SLC38A6: variants seen among roughly 807,000 people sequenced by gnomAD.
The protein encoded by SLC38A6 is solute carrier family 38 member 6, also known as N system amino acid transporter NAT-1.
Under a neutral mutation model 65.0 loss-of-function variants are expected in SLC38A6, and 73 were observed. The ratio of observed to expected loss-of-function variants is 1.12; its 90% CI spans 0.93 to 1.37. SLC38A6 has a LOEUF of 1.37. Among genes scored for constraint, SLC38A6 ranks in the 40% most tolerant of loss-of-function variants. The pLI, the probability that SLC38A6 is intolerant of heterozygous loss-of-function variation, is 0.00. For synonymous variants in SLC38A6, 183 were observed against 178.8 expected (o/e 1.02, Z -0.19); for missense variants, 561 against 531.1 (o/e 1.06, Z -0.55).
chr14:61,083,526 C>G, intron 16 of SLC38A6: 1 of 1,544,822 alleles, frequency 6.5e-7, no homozygotes, highest in African/African-American at 1.4e-5. Flanking sequence ...AGCCCTAATT[C>G]AATGTGACTG....
At chr14:61,044,325 T>A (rs983569416) in intron 10 of SLC38A6, among the ~76,000 whole-genome samples, 1 of 152,148 alleles carries the variant, frequency 6.6e-6, no homozygotes, top group African/African-American at 2.4e-5. Flanking sequence ...ATGAGAAATA[T>A]CTCTCTGGTC....
intron 12 of SLC38A6, among the ~76,000 whole-genome samples, chr14:61,048,620 A>T (rs1347982240): frequency 1.3e-5 from 2 of 152,176 alleles, no homozygotes; most frequent in East Asian, 3.9e-4. Context: ...TAATAAATCT[A>T]GTTCTTCAAG....
At chr14:60,983,663 G>C (rs2139668543) in intron 2 of SLC38A6, among the ~76,000 whole-genome samples, 1 of 152,164 alleles carries the variant, frequency 6.6e-6, no homozygotes, top group African/African-American at 2.4e-5. Flanking sequence ...CAAATTTTTT[G>C]ATAAGCAAAG....
intron 2 of SLC38A6, 64 bp from the exon 3 acceptor site, chr14:60,984,666 A>G (rs547161571): frequency 4.4e-6 from 6 of 1,371,514 alleles, no homozygotes; most frequent in South Asian, 2.3e-5. Flanking sequence ...TGTTTTTGTA[A>G]TGAGACACCA....
intron 8 of SLC38A6, among the ~76,000 whole-genome samples, chr14:61,039,524 A>AT (rs5809078): frequency 0.89 from 116,432 of 130,584 alleles, 52,498 homozygotes; most frequent in Non-Finnish European, 0.97. Flanking sequence ...GTGCATGCTA[A>AT]TTTTTTTTTT....
At chr14:61,010,609 A>G (rs2139469852) in intron 3 of SLC38A6, among the ~76,000 whole-genome samples, 1 of 152,332 alleles carries the variant, frequency 6.6e-6, no homozygotes, top group African/African-American at 2.4e-5. Context: ...ATGGCTAGCC[A>G]GTTTTCCCAG....
chr14:61,048,916 A>G (rs1237301396), intron 12 of SLC38A6, among the ~76,000 whole-genome samples: 2 of 152,204 alleles, frequency 1.3e-5, no homozygotes, highest in Non-Finnish European at 2.9e-5. Context: ...ATATTTCTCC[A>G]AAGACTCACA....
chr14:61,015,981 G>T, intron 4 of SLC38A6, 25 bp downstream of exon 4: 1 of 1,579,006 alleles, frequency 6.3e-7, no homozygotes. Flanking sequence ...TCCTCATTGT[G>T]TCCAAAACCC....
intron 15 of SLC38A6, among the ~76,000 whole-genome samples, chr14:61,076,988 C>A (rs1281058224): frequency 1.2e-4 from 18 of 152,186 alleles, no homozygotes; most frequent in Non-Finnish European, 1.5e-4. Context: ...ATAGCTTAGA[C>A]CATCAGTAGT....
chr14:61,026,904 G>T (rs1185410289), intron 5 of SLC38A6, among the ~76,000 whole-genome samples: 1 of 152,102 alleles, frequency 6.6e-6, no homozygotes, highest in Non-Finnish European at 1.5e-5. Flanking sequence ...GATGTTAGCT[G>T]TTTTCATGGA....
At chr14:61,069,407 C>G (rs1370533696) in intron 15 of SLC38A6, among the ~76,000 whole-genome samples, 1 of 152,044 alleles carries the variant, frequency 6.6e-6, no homozygotes, top group East Asian at 1.9e-4. Context: ...ATCCCAGATT[C>G]CCTTGCCTCA....
At chr14:60,992,719 C>T (rs990857491) in intron 3 of SLC38A6, among the ~76,000 whole-genome samples, 1 of 151,780 alleles carries the variant, frequency 6.6e-6, no homozygotes, top group Admixed American at 6.6e-5. Flanking sequence ...CAAAGTCTCG[C>T]TCTGTTGTCC....
chr14:61,001,951 C>G (rs935576506), intron 3 of SLC38A6: 2 of 152,124 alleles, frequency 1.3e-5, no homozygotes, highest in Non-Finnish European at 1.5e-5. Flanking sequence ...TATAGTCTGT[C>G]TGCTGTACCT....
chr14:61,043,085 A>G (rs2041906806), intron 8 of SLC38A6, 62 bp from the exon 9 acceptor site: 5 of 1,060,408 alleles, frequency 4.7e-6, no homozygotes, highest in South Asian at 2.8e-5. Flanking sequence ...ACCTATTTCA[A>G]TTCAGTTTCT....
Position 61,019,523 on chromosome 14 carries a change from AT to A in SLC38A6, c.364-15del. 6.2e-7 allele frequency: 1 copy of A among 1,612,486 alleles called. No individual in the cohort carries two copies. The highest frequency in any genetic ancestry group is 8.5e-7 in the Non-Finnish European group (1 of 1,178,992). ...TTGTTTCCCCTTCTATCTTCTGAAT[AT>A]TTCTGTTCTTTTACAGTTGGTGGTG... On this transcript the variant is annotated splice_polypyrimidine_tract_variant and intron_variant, in intron 4 of 15. Transcript: ENST00000267488.
chr14:61,012,399 AT>A (rs1251868080), intron 3 of SLC38A6, among the ~76,000 whole-genome samples: 1 of 151,430 alleles, frequency 6.6e-6, no homozygotes, highest in African/African-American at 2.4e-5. Flanking sequence ...TTCTGCTCTG[AT>A]CTTAGTTATT....
At chr14:61,042,861 T>TA (rs953201248) in intron 8 of SLC38A6, among the ~76,000 whole-genome samples, 7 of 151,424 alleles carry the variant, frequency 4.6e-5, no homozygotes, top group East Asian at 1.9e-4. Context: ...GAGTTGCACT[T>TA]AAAAAAAAAT....
chr14:61,067,082 T>C (rs2043045095), intron 15 of SLC38A6, among the ~76,000 whole-genome samples: 1 of 152,232 alleles, frequency 6.6e-6, no homozygotes, highest in Non-Finnish European at 1.5e-5. Flanking sequence ...AATGAAAAAT[T>C]ATACATGTAT....
At chr14:61,015,420 A>C (rs1164359647) in intron 3 of SLC38A6, among the ~76,000 whole-genome samples, 1 of 152,170 alleles carries the variant, frequency 6.6e-6, no homozygotes, top group Non-Finnish European at 1.5e-5. Flanking sequence ...CCCCAGTGAG[A>C]TGAACCCGGT....
Sources: allele counts gnomAD v4.1 joint callset (sites outside exome capture counted in the v4.1 genomes callset), GRCh38; gene constraint gnomAD v4.1.1; transcripts MANE v1.5; gene names NCBI Gene and HGNC (gene_info 2026-07-23, HGNC 2026-07-21).